LAMA4: variants seen among roughly 807,000 people sequenced by gnomAD.
LAMA4 encodes laminin subunit alpha-4.
Under a neutral mutation model 207.1 loss-of-function variants are expected in LAMA4, and 127 were observed. That is an observed-to-expected ratio of 0.61 (90% CI 0.53 to 0.71). LAMA4 has a LOEUF of 0.71. LAMA4 is among the 30% of genes least tolerant of loss of function. The probability of loss-of-function intolerance (pLI) is 0.00; values close to 1 mark genes in which losing one functional copy is unlikely to be tolerated. For missense variants in LAMA4, 2,093 were observed against 2,246.5 expected, an observed-to-expected ratio of 0.93 and a Z score of 1.38; for synonymous variants, 761 against 816.0, an observed-to-expected ratio of 0.93 and a Z score of 1.15.
intron 38 of LAMA4, among the ~76,000 whole-genome samples, chr6:112,109,929 T>C (rs957913598): frequency 1.1e-4 from 16 of 152,368 alleles, no homozygotes; most frequent in Admixed American, 1.0e-3. Flanking sequence ...GCCTCACTTA[T>C]AATGTGTACT....
intron 9 of LAMA4, among the ~76,000 whole-genome samples, chr6:112,183,883 G>A (rs371891041): frequency 1.1e-4 from 17 of 148,910 alleles, no homozygotes; most frequent in East Asian, 9.9e-4. Flanking sequence ...CCCGGGAGGC[G>A]GAGGCTGCAG....
At chr6:112,124,698 G>C (rs1307136838) in intron 31 of LAMA4, among the ~76,000 whole-genome samples, 8 of 151,468 alleles carry the variant, frequency 5.3e-5, no homozygotes, top group Admixed American at 3.3e-4. Context: ...TCAGATAACA[G>C]CCAAGCTAGT....
At chr6:112,180,801 C>T (rs371281385) in intron 9 of LAMA4, among the ~76,000 whole-genome samples, 10 of 152,202 alleles carry the variant, frequency 6.6e-5, no homozygotes, top group African/African-American at 2.2e-4. Flanking sequence ...CAGCAACAGT[C>T]CTGGACAAAC....
intron 8 of LAMA4, 68 bp from the exon 9 acceptor site, chr6:112,185,415 CTT>C: frequency 1.1e-6 from 1 of 929,808 alleles, no homozygotes; most frequent in Non-Finnish European, 1.8e-6. Context: ...ACATAAAACT[CTT>C]TCAGTGTAAG....
chr6:112,202,131 T>C (rs782723577), intron 4 of LAMA4, among the ~76,000 whole-genome samples: 3 of 152,216 alleles, frequency 2.0e-5, no homozygotes, highest in Non-Finnish European at 2.9e-5. Flanking sequence ...GAATTATAAT[T>C]TCTTTCATGT....
At chr6:112,154,713 T>C (rs1780599788) in intron 16 of LAMA4, 138 bp downstream of exon 16, 2 of 693,538 alleles carry the variant, frequency 2.9e-6, no homozygotes, top group African/African-American at 1.8e-5. Flanking sequence ...GTAACTTGAC[T>C]CTGAGCAGGA....
At chr6:112,135,899 T>A (rs754174639) in intron 25 of LAMA4, 8 of 471,380 alleles carry the variant, frequency 1.7e-5, no homozygotes, top group Admixed American at 3.4e-5. Context: ...AAGGAATCTT[T>A]CAGTGACTTT....
At chr6:112,237,339 C>G (rs1446998213) in intron 2 of LAMA4, among the ~76,000 whole-genome samples, 2 of 152,268 alleles carry the variant, frequency 1.3e-5, no homozygotes, top group East Asian at 3.9e-4. Context: ...GGGAAACTGC[C>G]TAGGAGGCAC....
intron 2 of LAMA4, among the ~76,000 whole-genome samples, chr6:112,249,346 G>A (rs1248356109): frequency 1.3e-5 from 2 of 151,270 alleles, no homozygotes; most frequent in Non-Finnish European, 2.9e-5. Flanking sequence ...GGGAGGCTGA[G>A]GCAGGGGAAT....
chr6:112,166,871 T>G (rs782328865), intron 12 of LAMA4, among the ~76,000 whole-genome samples: 3 of 151,882 alleles, frequency 2.0e-5, no homozygotes, highest in Non-Finnish European at 4.4e-5. Context: ...TGCAAAAAAA[T>G]AGAAAAAGTT....
chr6:112,176,771 C>A (rs1298313707), intron 10 of LAMA4, among the ~76,000 whole-genome samples: 1 of 152,178 alleles, frequency 6.6e-6, no homozygotes, highest in African/African-American at 2.4e-5. Flanking sequence ...GAAATACAGA[C>A]AATAGTATTT....
At chr6:112,150,462 A>T in intron 17 of LAMA4, 49 bp downstream of exon 17, 2 of 1,106,974 alleles carry the variant, frequency 1.8e-6, no homozygotes, top group African/African-American at 1.5e-5. Context: ...GGTTTACCTT[A>T]CACTCCAGTG....
chr6:112,212,264 C>T (rs1472453179), intron 3 of LAMA4, among the ~76,000 whole-genome samples: 1 of 150,888 alleles, frequency 6.6e-6, no homozygotes, highest in African/African-American at 2.4e-5. Context: ...TGCTCTGTTG[C>T]CCAGGCTAGA....
chr6:112,231,720 G>A (rs1785574339), intron 2 of LAMA4, among the ~76,000 whole-genome samples: 1 of 152,156 alleles, frequency 6.6e-6, no homozygotes, highest in African/African-American at 2.4e-5. Context: ...GTCTGCTCAG[G>A]CAGAATATGT....
At chr6:112,131,218 T>A (rs980929287) in intron 28 of LAMA4, 117 bp from the exon 29 acceptor site, 8 of 923,760 alleles carry the variant, frequency 8.7e-6, no homozygotes, top group Non-Finnish European at 1.4e-5. Context: ...GGAAATTTGC[T>A]TGTAAAATAA....
Position 112,129,952 on chromosome 6 carries a change from A to T in LAMA4, c.4057T>A (p.Phe1353Ile), listed in dbSNP as rs782419181. 1 of 1,613,080 alleles carries T rather than the reference A, an allele frequency of 6.2e-7. No individual in the cohort carries two copies. ...IEQTQASEKK[F>I]YFGGSPISAQ... is the part of the protein sequence containing the mutation. ...CTGATTGGTGAGCCACCGAAGTAAA[A>T]CTTCTTTTCACTTGCTTGTGTCTGT... The change falls in exon 30 of 39, where the codon TTT becomes ATT. Residue 1353 changes from phenylalanine (F) to isoleucine (I), a missense_variant. This residue lies in a region of LAMA4 where 1,704 missense variants were observed against 1,788.4 expected (regional missense o/e 0.95). Transcript: ENST00000230538.
In LAMA4 at chr6:112,172,995, G is replaced by C. The variant is rs1021859514; in HGVS notation, c.1358-191C>G. On this transcript the variant is annotated intron_variant, in intron 11 of 38. Coordinates refer to ENST00000230538, the MANE Select transcript of LAMA4 (RefSeq NM_001105206.3). ...AAATGCTACTTTTTAGAGTTTGGGA[G>C]TCCCTGGATAACTGTCAGTTGAAAG... 2.0e-5 allele frequency among the ~76,000 whole-genome samples: 3 copies of C among 152,176 alleles called. No individual in the cohort carries two copies. In the East Asian group the frequency reaches 5.8e-4, roughly 29 times the overall value.
intron 31 of LAMA4, among the ~76,000 whole-genome samples, chr6:112,128,595 C>T (rs1778839313): frequency 6.6e-6 from 1 of 152,054 alleles, no homozygotes. Context: ...ATGTTCCCAA[C>T]ACAAAGAAAT....
At chr6:112,132,137 G>A (rs577337365) in intron 28 of LAMA4, among the ~76,000 whole-genome samples, 12 of 152,076 alleles carry the variant, frequency 7.9e-5, no homozygotes, top group Admixed American at 4.6e-4. Flanking sequence ...GATAGCGACC[G>A]CTTCACAAAA....
Sources: gnomAD v4.1 joint callset for allele counts (sites outside exome capture counted in the v4.1 genomes callset) on GRCh38, gnomAD v4.1.1 for gene constraint, gnomAD v4.1.1 regional missense constraint, MANE v1.5 for transcripts, NCBI Gene and HGNC (gene_info 2026-07-23, HGNC 2026-07-21) for gene names.